Variants in CSNK1G1 observed in about 807,000 individuals in gnomAD.
CSNK1G1 encodes casein kinase I isoform gamma-1.
CSNK1G1 carries 22 observed loss-of-function variants against 59.6 expected under a neutral mutation model. That is an observed-to-expected ratio of 0.37 (90% confidence interval 0.26 to 0.53). The LOEUF (loss-of-function observed/expected upper bound fraction) is 0.53. Among genes scored for constraint, CSNK1G1 ranks in the 20% least tolerant of loss-of-function variants. The probability of loss-of-function intolerance (pLI) is 0.89; values close to 1 mark genes in which losing one functional copy is unlikely to be tolerated. For missense variants in CSNK1G1, 384 were observed against 519.5 expected, an observed-to-expected ratio of 0.74 and a Z score of 2.54; for synonymous variants, 179 against 177.1, an observed-to-expected ratio of 1.01 and a Z score of -0.08.
rs368005818 is a variant in CSNK1G1 at position 64,307,877 on chromosome 15, G to A, written c.-224-7154C>T. Among the ~76,000 whole-genome samples, 158 of 152,020 alleles carry A rather than the reference G, an allele frequency of 1.0e-3. 3 individuals carry two copies. In the South Asian group the frequency reaches 0.024, roughly 23 times the overall value. On this transcript the variant is annotated intron_variant, in intron 1 of 11. Transcript: ENST00000303052. ...AATTTTTTGTATTTTTAGTAGAGAC[G>A]GGGTTTCACCATGTTAGCCAGGATG...
intron 4 of CSNK1G1, among the ~76,000 whole-genome samples, chr15:64,237,342 G>C (rs556820563): frequency 6.6e-6 from 1 of 152,132 alleles, no homozygotes; most frequent in Non-Finnish European, 1.5e-5. Flanking sequence ...CTCTGGCAGA[G>C]AGACCTGAAA....
chr15:64,298,842 C>T (rs1423586075), intron 2 of CSNK1G1, among the ~76,000 whole-genome samples: 2 of 150,408 alleles, frequency 1.3e-5, no homozygotes, highest in South Asian at 2.1e-4. Flanking sequence ...ACCAGCCTGG[C>T]CAATATGGCA....
intron 10 of CSNK1G1, among the ~76,000 whole-genome samples, chr15:64,186,146 GC>G (rs1160867043): frequency 9.2e-5 from 14 of 151,816 alleles, no homozygotes; most frequent in African/African-American, 3.4e-4. Flanking sequence ...TTGTTGTGTC[GC>G]CCAGGCTGGA....
chr15:64,243,889 C>T (rs1019062046), intron 4 of CSNK1G1, among the ~76,000 whole-genome samples: 2 of 148,376 alleles, frequency 1.3e-5, no homozygotes, highest in Non-Finnish European at 1.5e-5. Context: ...AATAAACAGG[C>T]CGGGCATGGT....
At chr15:64,244,970 G>T (rs1891673066) in intron 4 of CSNK1G1, among the ~76,000 whole-genome samples, 2 of 152,060 alleles carry the variant, frequency 1.3e-5, no homozygotes, top group African/African-American at 4.8e-5. Context: ...AGAGAACCCA[G>T]AAATAAACCC....
intron 2 of CSNK1G1, 105 bp downstream of exon 2, chr15:64,300,214 A>T: frequency 9.1e-7 from 1 of 1,100,514 alleles, no homozygotes; most frequent in Non-Finnish European, 1.3e-6. Context: ...GGTTCTCCTT[A>T]AGAAAAATTT....
In CSNK1G1 at chr15:64,169,121, C is replaced by A. The variant is rs2081635812; in HGVS notation, c.*2810G>T. The A allele has an allele frequency of 1.3e-5, 2 of 152,420 alleles. No individual in the cohort carries two copies. Among genetic ancestry groups the A allele is most frequent in the Admixed American group, 1.3e-4 (2 of 15,268 alleles). 9.4% of individuals were successfully genotyped at this position (152,420 alleles called of 1,614,324 possible). A position where few individuals can be genotyped will look rare whatever the true frequency, so the allele number is the denominator to read the frequency against. On this transcript the variant is annotated 3_prime_UTR_variant, in exon 12 of 12. Transcript: ENST00000303052. ...TGCCCTGCAGCCAAGCTGGTCAGTGCCTTTGCTTTTGTGTGTGTGTGTGTG... is the reference window on the plus strand; with the variant it reads ...TGCCCTGCAGCCAAGCTGGTCAGTGACTTTGCTTTTGTGTGTGTGTGTGTG...
intron 2 of CSNK1G1, among the ~76,000 whole-genome samples, chr15:64,278,434 T>TTTC (rs1566931083): frequency 7.7e-6 from 1 of 130,080 alleles, no homozygotes; most frequent in African/African-American, 2.8e-5. Flanking sequence ...ATATATATAT[T>TTTC]TTTTTTTTTT....
chr15:64,239,909 G>C (rs1172256174), intron 4 of CSNK1G1, among the ~76,000 whole-genome samples: 1 of 152,176 alleles, frequency 6.6e-6, no homozygotes, highest in Non-Finnish European at 1.5e-5. Flanking sequence ...AGCTTGATGA[G>C]AGGTCATTTG....
chr15:64,212,252 G>A (rs763564462), intron 6 of CSNK1G1, among the ~76,000 whole-genome samples: 3 of 152,126 alleles, frequency 2.0e-5, no homozygotes, highest in Non-Finnish European at 4.4e-5. Flanking sequence ...TTTCCATGTG[G>A]TTACTGAAAA....
At chr15:64,247,602 G>C (rs887802569) in intron 4 of CSNK1G1, among the ~76,000 whole-genome samples, 5 of 152,162 alleles carry the variant, frequency 3.3e-5, no homozygotes, top group African/African-American at 1.2e-4. Flanking sequence ...AGGAAAAGCA[G>C]AGACAATGTG....
intron 11 of CSNK1G1, among the ~76,000 whole-genome samples, chr15:64,175,610 A>G (rs1849595824): frequency 6.6e-6 from 1 of 152,196 alleles, no homozygotes; most frequent in African/African-American, 2.4e-5. Flanking sequence ...ACAGGCTCCA[A>G]TATATCAATT....
Position 64,167,089 on chromosome 15 carries a change from A to G in CSNK1G1, c.*4842T>C, listed in dbSNP as rs2081611060. On this transcript the variant is annotated 3_prime_UTR_variant, in exon 12 of 12. Coordinates refer to ENST00000303052, the MANE Select transcript of CSNK1G1 (RefSeq NM_022048.5). ...TGTCAACTACCACTGTGTATTATCC[A>G]GGGAACCTACTCACTATTTTGAATA... 1 of 152,224 alleles carries G rather than the reference A, an allele frequency of 6.6e-6. No homozygotes were observed. The highest frequency in any genetic ancestry group is 6.5e-5 in the Admixed American group (1 of 15,276). The allele number at this position is 152,224 out of a possible 1,614,324, so 9.4% of individuals were successfully genotyped here.
At chr15:64,303,565 A>G (rs1015258304) in intron 1 of CSNK1G1, among the ~76,000 whole-genome samples, 8 of 152,074 alleles carry the variant, frequency 5.3e-5, no homozygotes, top group South Asian at 2.1e-4. Context: ...CAGCCTGGCC[A>G]ATATGACGAA....
intron 4 of CSNK1G1, among the ~76,000 whole-genome samples, chr15:64,236,628 T>C (rs1321450749): frequency 6.6e-6 from 1 of 152,092 alleles, no homozygotes; most frequent in Non-Finnish European, 1.5e-5. Flanking sequence ...TACTATTAAA[T>C]TAAGAAAATA....
chr15:64,284,025 G>T (rs899654358), intron 2 of CSNK1G1, among the ~76,000 whole-genome samples: 4 of 151,948 alleles, frequency 2.6e-5, no homozygotes, highest in African/African-American at 9.7e-5. Context: ...TGTGGTATGA[G>T]GTAAGCGTCC....
intron 2 of CSNK1G1, 30 bp downstream of exon 2, chr15:64,300,289 T>C (rs376410088): frequency 1.6e-5 from 26 of 1,601,992 alleles, no homozygotes; most frequent in African/African-American, 5.4e-5. Context: ...TTGTTGTTAG[T>C]AGAAGTCACT....
intron 3 of CSNK1G1, 52 bp downstream of exon 3, chr15:64,259,149 A>G (rs1892553560): frequency 6.9e-6 from 10 of 1,439,396 alleles, no homozygotes; most frequent in Non-Finnish European, 9.6e-6. Flanking sequence ...ATAAAAAGAT[A>G]TAAGCAATGG....
intron 2 of CSNK1G1, among the ~76,000 whole-genome samples, chr15:64,262,627 T>C (rs1892754455): frequency 6.6e-6 from 1 of 152,210 alleles, no homozygotes. Flanking sequence ...CTGTGGGTAC[T>C]TGGAAGTGTG....
Sources: allele counts gnomAD v4.1 joint callset (sites outside exome capture counted in the v4.1 genomes callset), GRCh38; gene constraint gnomAD v4.1.1; transcripts MANE v1.5; gene names NCBI Gene and HGNC (gene_info 2026-07-23, HGNC 2026-07-21).